Variants in PFKP observed in about 807,000 individuals in gnomAD.
The protein encoded by PFKP is phosphofructokinase, platelet.
A neutral mutation model predicts 94.3 loss-of-function variants in PFKP; 101 were observed. That is an observed-to-expected ratio of 1.07 (90% CI 0.91 to 1.26). PFKP has a LOEUF of 1.26. Ranked by LOEUF, PFKP falls within the 50% of genes most tolerant of loss-of-function variation. PFKP has a pLI of 0.00. For synonymous variants in PFKP, 573 were observed against 432.6 expected (o/e 1.32, Z -4.03); for missense variants, 1,145 against 1,103.3 (o/e 1.04, Z -0.53).
chr10:3,105,365 T>C, intron 6 of PFKP, 28 bp from the exon 7 acceptor site: 1 of 1,559,482 alleles, frequency 6.4e-7, no homozygotes, highest in Non-Finnish European at 8.8e-7. Flanking sequence ...CCTTCTGGGG[T>C]GTTGATGCTG....
rs528351405 is a variant in PFKP at position 3,113,199 on chromosome 10, G to A, written c.1224+11G>A. ...GATCAGATCCCAAAGGTAGGTGGCC[G>A]GCCTCCCGCGATGCCCCGACCTCTC... is the stretch of plus-strand genomic sequence containing the variant. On this transcript the variant is annotated intron_variant, in intron 12 of 21. Coordinates refer to ENST00000381125, the MANE Select transcript of PFKP (RefSeq NM_002627.5). 2.7e-5 allele frequency: 43 copies of A among 1,608,582 alleles called. No homozygotes were observed. The highest frequency in any genetic ancestry group is 3.2e-5 in the Non-Finnish European group (38 of 1,177,556).
At chr10:3,105,908 A>G (rs1564307955) in intron 7 of PFKP, among the ~76,000 whole-genome samples, 2 of 152,188 alleles carry the variant, frequency 1.3e-5, no homozygotes, top group Admixed American at 6.5e-5. Context: ...AGTGGTCGCT[A>G]TGTTCCTTTC....
chr10:3,103,597 C>T (rs1215250655), intron 4 of PFKP, among the ~76,000 whole-genome samples, 182 bp from the exon 5 acceptor site: 1 of 152,164 alleles, frequency 6.6e-6, no homozygotes, highest in East Asian at 1.9e-4. Context: ...CCACTGCACT[C>T]CAGCCTGGTC....
chr10:3,125,143 A>G lies in PFKP; in HGVS notation c.1684-4676A>G, dbSNP rs1231451118. 7 of 1,345,478 alleles carry G rather than the reference A, an allele frequency of 5.2e-6. No individual in the cohort carries two copies. The African/African-American group carries it at 9.0e-5, about 17-fold the overall frequency. The allele number at this position is 1,345,478 out of a possible 1,614,324, so 83.3% of individuals were successfully genotyped here. A position where few individuals can be genotyped will look rare whatever the true frequency, so the allele number is the denominator to read the frequency against. On this transcript the variant is annotated intron_variant, in intron 16 of 21. Transcript: ENST00000381125. Reference sequence around the variant, plus strand: ...ATGGCCGAGGCACGAGGCCGCCACCAGGAGCTTTGCATCCCCCTGTGTGTG... The same window carrying G: ...ATGGCCGAGGCACGAGGCCGCCACCGGGAGCTTTGCATCCCCCTGTGTGTG...
At chr10:3,121,356 CA>C (rs1486318442) in intron 16 of PFKP, among the ~76,000 whole-genome samples, 1 of 152,226 alleles carries the variant, frequency 6.6e-6, no homozygotes, top group Non-Finnish European at 1.5e-5. Flanking sequence ...GAGCCTCTTT[CA>C]CAGACTGGAT....
chr10:3,136,439 T>G lies in PFKP; in HGVS notation c.2226-11T>G. On this transcript the variant is annotated splice_polypyrimidine_tract_variant and intron_variant, in intron 21 of 21. Transcript: ENST00000381125. ...TGCAGGCCTCACTGCTGTCTCCTCT[T>G]ACCTCCACAGGCACAGGATTCCCAA... 6.2e-7 allele frequency: 1 copy of G among 1,613,312 alleles called. No individual in the cohort carries two copies. Among genetic ancestry groups the G allele is most frequent in the Non-Finnish European group, 8.5e-7 (1 of 1,179,520 alleles).
intron 3 of PFKP, among the ~76,000 whole-genome samples, chr10:3,099,610 T>G (rs762640258): frequency 6.6e-6 from 1 of 152,202 alleles, no homozygotes; most frequent in East Asian, 1.9e-4. Flanking sequence ...GCCCACACCT[T>G]CGTGCTGGTC....
intron 14 of PFKP, among the ~76,000 whole-genome samples, chr10:3,118,174 C>G (rs1300285755): frequency 6.6e-6 from 1 of 152,114 alleles, no homozygotes. Flanking sequence ...CTGGAAATTT[C>G]CATTTAAACA....
intron 10 of PFKP, among the ~76,000 whole-genome samples, chr10:3,110,937 T>C (rs1040403454): frequency 2.0e-5 from 3 of 152,084 alleles, no homozygotes; most frequent in African/African-American, 7.2e-5. Flanking sequence ...CATGTTTTTG[T>C]GAGGTAGTGT....
intron 2 of PFKP, among the ~76,000 whole-genome samples, chr10:3,093,492 C>T (rs371135246): frequency 2.0e-5 from 3 of 152,172 alleles, no homozygotes; most frequent in African/African-American, 4.8e-5. Context: ...TCCACTAACA[C>T]GCGTGCGTGC....
In PFKP at chr10:3,096,949, G is replaced by T. The variant is rs560973283; in HGVS notation, c.187-2326G>T. Among the ~76,000 whole-genome samples the T allele has an allele frequency of 7.0e-3, 847 of 121,810 alleles. 137 individuals are homozygous for T. Among genetic ancestry groups the T allele is most frequent in the African/African-American group, 0.026 (816 of 31,100 alleles). 79.9% of individuals were successfully genotyped at this position (121,810 alleles called of 152,430 possible). ...AAAAATTAGCCGGGCGTGGTGGCGGGTGCCTGTAGTCCCAGCTACTAAGGA... is the reference window on the plus strand; with the variant it reads ...AAAAATTAGCCGGGCGTGGTGGCGGTTGCCTGTAGTCCCAGCTACTAAGGA... On this transcript the variant is annotated intron_variant, in intron 2 of 21. Transcript: ENST00000381125.
chr10:3,118,632 A>G (rs552113866), intron 14 of PFKP, 150 bp from the exon 15 acceptor site: 183 of 584,390 alleles, frequency 3.1e-4, no homozygotes, highest in Admixed American at 6.2e-4. Context: ...TCTGCCAGCC[A>G]CAACGGCATG....
At chr10:3,125,101 A>T (rs1286166576) in intron 16 of PFKP, 1 of 1,301,330 alleles carries the variant, frequency 7.7e-7, no homozygotes, top group South Asian at 1.3e-5. Context: ...CTTCAGGCTT[A>T]CAAGAGTGCG....
Position 3,134,502 on chromosome 10 carries a change from T to C in PFKP, c.2042T>C (p.Phe681Ser). Reference protein sequence around the residue: ...HMQQGGAPSPFDRNFGTKISA... With the variant: ...HMQQGGAPSPSDRNFGTKISA... Reference sequence around the variant, plus strand: ...CAACAGGGTGGGGCACCCTCTCCATTTGATAGAAACTTTGGAACCAAAATC... The same window carrying C: ...CAACAGGGTGGGGCACCCTCTCCATCTGATAGAAACTTTGGAACCAAAATC... The change falls in exon 20 of 22, where the codon TTT becomes TCT. Residue 681 changes from phenylalanine (F) to serine (S), a missense_variant. Around this residue, in one of 3 missense-constraint regions of PFKP, gnomAD observed 1,119 missense variants for 1,062.8 expected, o/e 1.05. Transcript: ENST00000381125. 1 of 1,613,258 alleles carries C rather than the reference T, an allele frequency of 6.2e-7. No homozygotes were observed. The highest frequency in any genetic ancestry group is 8.5e-7 in the Non-Finnish European group (1 of 1,179,258).
chr10:3,127,804 C>T (rs370482421), intron 16 of PFKP, among the ~76,000 whole-genome samples: 3 of 152,152 alleles, frequency 2.0e-5, no homozygotes, highest in African/African-American at 2.4e-5. Flanking sequence ...AACTAGAGTC[C>T]GTGTTCAGTT....
intron 2 of PFKP, among the ~76,000 whole-genome samples, chr10:3,083,562 C>T (rs1176291571): frequency 1.3e-5 from 2 of 152,146 alleles, no homozygotes; most frequent in African/African-American, 4.8e-5. Flanking sequence ...ACAGCAAACA[C>T]GTTCTGTATA....
In PFKP at chr10:3,079,667, G is replaced by C. The variant is rs566452225; in HGVS notation, c.113-2721G>C. Among the ~76,000 whole-genome samples, 134 of 122,398 alleles carry C rather than the reference G, an allele frequency of 1.1e-3. 16 individuals carry two copies. The highest frequency in any genetic ancestry group is 1.8e-3 in the Non-Finnish European group (95 of 53,682). The allele number at this position is 122,398 out of a possible 152,430, so 80.3% of individuals were successfully genotyped here. On this transcript the variant is annotated intron_variant, in intron 1 of 21. Transcript: ENST00000381125. The stretch of plus-strand genomic sequence containing the variant: ...GAGGTCTTCAGAGAGCGGGGTGGGG[G>C]GGGGGGGAAGAGGAGCAGGGGTGAG...
chr10:3,072,771 A>G (rs551171635), intron 1 of PFKP, among the ~76,000 whole-genome samples: 2 of 152,122 alleles, frequency 1.3e-5, no homozygotes, highest in African/African-American at 4.8e-5. Flanking sequence ...TTAGGGCTCT[A>G]CCAATCTGAT....
intron 2 of PFKP, among the ~76,000 whole-genome samples, chr10:3,086,587 AC>A (rs1833621948): frequency 6.6e-6 from 1 of 152,046 alleles, no homozygotes; most frequent in African/African-American, 2.4e-5. Context: ...ACAGGACCAC[AC>A]CCCACAAAGA....
Sources: allele counts gnomAD v4.1 joint callset (sites outside exome capture counted in the v4.1 genomes callset), GRCh38; gene constraint gnomAD v4.1.1; regional missense constraint gnomAD v4.1.1; transcripts MANE v1.5; gene names NCBI Gene and HGNC (gene_info 2026-07-23, HGNC 2026-07-21).